FAM78B: variants seen among roughly 807,000 people sequenced by gnomAD.
FAM78B encodes the protein family with sequence similarity 78 member B.
FAM78B carries 10 observed loss-of-function variants against 20.0 expected under a neutral mutation model. The observed-to-expected ratio is 0.50, with a 90% CI of 0.31 to 0.85. The LOEUF (loss-of-function observed/expected upper bound fraction) is 0.85. Among genes scored for constraint, FAM78B ranks in the 40% least tolerant of loss-of-function variants. The pLI, the probability that FAM78B is intolerant of heterozygous loss-of-function variation, is 0.05. For synonymous variants in FAM78B, 135 were observed against 132.8 expected, an observed-to-expected ratio of 1.02 and a Z score of -0.12; for missense variants, 283 against 345.0, an observed-to-expected ratio of 0.82 and a Z score of 1.42.
At chr1:166,056,825 C>T (rs1223449352), downstream of FAM78B, among the ~76,000 whole-genome samples, 3 of 152,290 alleles carry the variant, frequency 2.0e-5, no homozygotes, top group East Asian at 5.8e-4. Flanking sequence ...GAGGAGAGTG[C>T]TATGTTCCAA....
At chr1:166,116,845 A>G (rs1474424721) in intron 1 of FAM78B, among the ~76,000 whole-genome samples, 3 of 152,134 alleles carry the variant, frequency 2.0e-5, no homozygotes, top group Non-Finnish European at 4.4e-5. Context: ...ACTATCTGTA[A>G]AATGGGAGAA....
intron 1 of FAM78B, chr1:166,082,735 G>A (rs1022118860): frequency 6.6e-6 from 1 of 152,564 alleles, no homozygotes; most frequent in Non-Finnish European, 1.5e-5. Flanking sequence ...AGAGCAGGTA[G>A]GGCTGGCTGT....
intron 1 of FAM78B, among the ~76,000 whole-genome samples, chr1:166,130,373 C>T (rs559970721): frequency 1.3e-5 from 2 of 152,278 alleles, no homozygotes; most frequent in Non-Finnish European, 2.9e-5. Context: ...GACTGGAATG[C>T]CAGAGAAGGA....
chr1:166,149,232 C>A (rs1655589332), intron 1 of FAM78B, among the ~76,000 whole-genome samples: 1 of 150,334 alleles, frequency 6.7e-6, no homozygotes, highest in Non-Finnish European at 1.5e-5. Context: ...TACCCTAAAA[C>A]TTAAAGTATA....
chr1:166,112,989 ATG>A (rs1654114294), intron 1 of FAM78B, among the ~76,000 whole-genome samples: 1 of 152,262 alleles, frequency 6.6e-6, no homozygotes, highest in African/African-American at 2.4e-5. Context: ...AGTTAGAGAG[ATG>A]AGAGATTTTA....
intron 1 of FAM78B, among the ~76,000 whole-genome samples, chr1:166,149,215 G>A (rs758390595): frequency 3.3e-5 from 5 of 152,074 alleles, no homozygotes; most frequent in African/African-American, 1.2e-4. Flanking sequence ...CTGAGGAATC[G>A]CACATGTACC....
At chr1:166,077,456 G>C (rs1201023899) in intron 1 of FAM78B, among the ~76,000 whole-genome samples, 1 of 151,660 alleles carries the variant, frequency 6.6e-6, no homozygotes, top group Non-Finnish European at 1.5e-5. Flanking sequence ...AAAACAGGAA[G>C]AAAAATAACT....
intron 1 of FAM78B, among the ~76,000 whole-genome samples, chr1:166,072,517 G>A (rs1475806976): frequency 6.6e-6 from 1 of 152,184 alleles, no homozygotes; most frequent in Admixed American, 6.5e-5. Context: ...ATTTCTTACT[G>A]TACAAAAGGG....
intron 1 of FAM78B, among the ~76,000 whole-genome samples, chr1:166,117,834 G>A (rs923834566): frequency 1.3e-5 from 2 of 152,174 alleles, no homozygotes; most frequent in Non-Finnish European, 2.9e-5. Context: ...TGAGTCAAGC[G>A]GGTTCTAAAA....
chr1:166,155,821 T>G (rs1042841885), intron 1 of FAM78B, among the ~76,000 whole-genome samples: 4 of 152,120 alleles, frequency 2.6e-5, no homozygotes, highest in African/African-American at 9.7e-5. Flanking sequence ...AGTAAGATCC[T>G]GCTCTCACAG....
chr1:166,146,089 T>C (rs142620458), intron 1 of FAM78B, among the ~76,000 whole-genome samples: 2 of 152,342 alleles, frequency 1.3e-5, no homozygotes, highest in East Asian at 3.9e-4. Flanking sequence ...AAACTTCTAC[T>C]ACCTGTATGA....
At chr1:166,122,225 C>T (rs890550286) in intron 1 of FAM78B, among the ~76,000 whole-genome samples, 7 of 152,080 alleles carry the variant, frequency 4.6e-5, no homozygotes, top group African/African-American at 1.4e-4. Context: ...TGGTTTGATG[C>T]CACAGCTGAT....
intron 1 of FAM78B, among the ~76,000 whole-genome samples, chr1:166,153,281 A>G (rs1655755036): frequency 6.6e-6 from 1 of 152,164 alleles, no homozygotes; most frequent in African/African-American, 2.4e-5. Flanking sequence ...CAGGGAGTCA[A>G]TGAGAAGTGG....
At chr1:166,113,492 AT>A in intron 1 of FAM78B, among the ~76,000 whole-genome samples, 1 of 152,220 alleles carries the variant, frequency 6.6e-6, no homozygotes, top group East Asian at 1.9e-4. Context: ...ATACAACTAA[AT>A]TTATTTTCAC....
chr1:166,061,190 G>C (rs1322486828), intron 2 of FAM78B, among the ~76,000 whole-genome samples: 1 of 152,198 alleles, frequency 6.6e-6, no homozygotes, highest in Admixed American at 6.5e-5. Context: ...AAGTTATTCA[G>C]TTATTCAACT....
At chr1:166,079,482 CAGAGGGTGGCT>C (rs1257710039) in intron 1 of FAM78B, among the ~76,000 whole-genome samples, 1 of 152,174 alleles carries the variant, frequency 6.6e-6, no homozygotes, top group Non-Finnish European at 1.5e-5. Flanking sequence ...ACGGGGTGGC[CAGAGGGTGGCT>C]GTTTGTTGGG....
rs771421402 is a variant in FAM78B at position 166,084,237 on chromosome 1, A to ACACACT, written c.264-13475_264-13474insAGTGTG. On this transcript the variant is annotated intron_variant, in intron 1 of 1. Coordinates refer to ENST00000354422, the MANE Select transcript of FAM78B (RefSeq NM_001017961.5). ...CACACACACACACACACACACACAC[A>ACACACT]CTCTCTCTCTCTCTCTCTCTCTCTC... Among the ~76,000 whole-genome samples the ACACACT allele has an allele frequency of 8.8e-3, 1,104 of 125,196 alleles. 7 individuals are homozygous for ACACACT. The highest frequency in any genetic ancestry group is 0.013 in the Admixed American group (152 of 12,084). The allele number at this position is 125,196 out of a possible 152,430, so 82.1% of individuals were successfully genotyped here.
At chr1:166,068,804 T>C (rs551904281), downstream of FAM78B, among the ~76,000 whole-genome samples, 2 of 152,298 alleles carry the variant, frequency 1.3e-5, no homozygotes, top group South Asian at 4.1e-4. Flanking sequence ...TATACAACCA[T>C]ATATATGGTT....
chr1:166,117,881 G>A (rs748406138), intron 1 of FAM78B, among the ~76,000 whole-genome samples: 1 of 152,124 alleles, frequency 6.6e-6, no homozygotes, highest in Non-Finnish European at 1.5e-5. Flanking sequence ...GGAAAGCCAA[G>A]CAGACAGTCC....
Sources: allele counts gnomAD v4.1 joint callset (sites outside exome capture counted in the v4.1 genomes callset), GRCh38; gene constraint gnomAD v4.1.1; transcripts MANE v1.5; gene names NCBI Gene and HGNC (gene_info 2026-07-23, HGNC 2026-07-21).